The following QKI variants were observed in gnomAD, a reference collection of about 807,000 sequenced individuals.
The protein encoded by QKI is QKI, KH domain containing RNA binding, also known as KH domain-containing RNA-binding protein QKI.
Under a neutral mutation model 39.0 loss-of-function variants are expected in QKI, and 10 were observed. That is an observed-to-expected ratio of 0.26 (90% CI 0.16 to 0.43). The LOEUF is 0.43. QKI is among the 20% of genes least tolerant of loss of function. QKI has a pLI of 1.00. For missense variants in QKI, 218 were observed against 428.0 expected (o/e 0.51, Z 4.33); for synonymous variants, 204 against 155.4 (o/e 1.31, Z -2.33).
At chr6:163,480,565 C>A (rs1420330512) in intron 3 of QKI, among the ~76,000 whole-genome samples, 1 of 152,042 alleles carries the variant, frequency 6.6e-6, no homozygotes, top group African/African-American at 2.4e-5. Context: ...ATTTAAAAAT[C>A]TTATTATAAT....
chr6:163,419,162 T>C (rs1484708523), intron 1 of QKI, among the ~76,000 whole-genome samples: 1 of 152,184 alleles, frequency 6.6e-6, no homozygotes, highest in East Asian at 1.9e-4. Context: ...GTTTATACCC[T>C]GCCTGCTCCC....
chr6:163,494,256 G>A (rs747984761), intron 3 of QKI, among the ~76,000 whole-genome samples: 15 of 152,224 alleles, frequency 9.9e-5, no homozygotes, highest in Non-Finnish European at 1.8e-4. Flanking sequence ...AGTGATTAAA[G>A]TATATGGAGG....
chr6:163,432,400 T>C (rs971127749), intron 1 of QKI, among the ~76,000 whole-genome samples: 6 of 145,490 alleles, frequency 4.1e-5, no homozygotes, highest in Non-Finnish European at 6.0e-5. Context: ...TCCCCCCCCT[T>C]TTTTTTTTTT....
intron 3 of QKI, among the ~76,000 whole-genome samples, chr6:163,526,794 C>G (rs367872506): frequency 1.1e-4 from 16 of 152,278 alleles, no homozygotes; most frequent in African/African-American, 3.9e-4. Context: ...CTAGAGAAAT[C>G]TCACTCATTT....
intron 1 of QKI, among the ~76,000 whole-genome samples, chr6:163,438,645 A>G (rs928365126): frequency 1.3e-5 from 2 of 152,156 alleles, no homozygotes; most frequent in African/African-American, 4.8e-5. Context: ...TACAGTAAAA[A>G]TGTGGTATAA....
chr6:163,558,619 C>T (rs1007309700), intron 4 of QKI, among the ~76,000 whole-genome samples: 2 of 151,998 alleles, frequency 1.3e-5, no homozygotes, highest in Non-Finnish European at 2.9e-5. Context: ...AGGCTGGTCT[C>T]GAACTCCTAA....
intron 4 of QKI, 91 bp from the exon 5 acceptor site, chr6:163,561,889 CAT>C (rs1783043190): frequency 1.1e-6 from 1 of 933,544 alleles, no homozygotes; most frequent in East Asian, 2.6e-5. Context: ...ACTGTAGTCA[CAT>C]GATACTTACT....
At chr6:163,559,182 C>G (rs150521487) in intron 4 of QKI, among the ~76,000 whole-genome samples, 2 of 152,268 alleles carry the variant, frequency 1.3e-5, no homozygotes, top group African/African-American at 4.8e-5. Flanking sequence ...ACCTGCCCTT[C>G]TGCAGGAAAC....
chr6:163,564,618 A>C, intron 6 of QKI: 1 of 1,613,382 alleles, frequency 6.2e-7, no homozygotes, highest in East Asian at 2.2e-5. Context: ...TTACATGAAC[A>C]AAAAGTGGTG....
chr6:163,553,439 C>G (rs1782388776), intron 4 of QKI, among the ~76,000 whole-genome samples: 1 of 152,072 alleles, frequency 6.6e-6, no homozygotes, highest in African/African-American at 2.4e-5. Context: ...TAGAACAAGG[C>G]TCTATTAAAC....
intron 3 of QKI, among the ~76,000 whole-genome samples, chr6:163,494,637 G>C (rs1258152705): frequency 6.7e-6 from 1 of 149,228 alleles, no homozygotes; most frequent in Non-Finnish European, 1.5e-5. Flanking sequence ...GGTCTGCTTA[G>C]TGTCACGTTT....
intron 1 of QKI, among the ~76,000 whole-genome samples, chr6:163,449,679 T>C (rs2757585): frequency 0.93 from 141,410 of 152,226 alleles, 65,731 homozygotes; most frequent in East Asian, 0.98. Context: ...AAATAGTTTT[T>C]GTGTTTCATT....
In QKI at chr6:163,517,060, T is replaced by A. The variant is rs62428384; in HGVS notation, c.403-17922T>A. ...GACACACACACACACACACACTCAC[T>A]CTCTCTCTCTCTCTCTCTCTTTCTC... On this transcript the variant is annotated intron_variant, in intron 3 of 7. Transcript: ENST00000361752. Among the ~76,000 whole-genome samples the A allele has an allele frequency of 6.2e-3, 863 of 139,892 alleles. 7 individuals carry two copies. Among genetic ancestry groups the A allele is most frequent in the South Asian group, 0.015 (66 of 4,516 alleles). The allele number at this position is 139,892 out of a possible 152,430, so 91.8% of individuals were successfully genotyped here. A position where few individuals can be genotyped will look rare whatever the true frequency, so the allele number is the denominator to read the frequency against.
At chr6:163,458,190 T>A (rs1246193737) in intron 2 of QKI, among the ~76,000 whole-genome samples, 1 of 152,212 alleles carries the variant, frequency 6.6e-6, no homozygotes, top group African/African-American at 2.4e-5. Flanking sequence ...ACTTTGGTAC[T>A]ACACTTGATC....
chr6:163,539,352 C>A (rs891521907), intron 4 of QKI, among the ~76,000 whole-genome samples: 1 of 152,096 alleles, frequency 6.6e-6, no homozygotes, highest in African/African-American at 2.4e-5. Flanking sequence ...GTGTCACTGG[C>A]ATGGGTTCAA....
intron 3 of QKI, among the ~76,000 whole-genome samples, chr6:163,494,697 G>A (rs1004584795): frequency 2.0e-5 from 3 of 149,882 alleles, no homozygotes; most frequent in Non-Finnish European, 3.0e-5. Context: ...TTGTTTTTGT[G>A]TTTTTTGACT....
rs542220372 is a variant in QKI at position 163,546,626 on chromosome 6, T to C, written c.546+11501T>C. 2.0e-4 allele frequency among the ~76,000 whole-genome samples: 31 copies of C among 152,168 alleles called. No homozygotes were observed. The South Asian group carries it at 5.8e-3, about 29-fold the overall frequency. ...TTTTCTTTACTACATTTCAAATGTTTTAGTGTTTTGATATTTATAAGTAAA... is the reference window on the plus strand; with the variant it reads ...TTTTCTTTACTACATTTCAAATGTTCTAGTGTTTTGATATTTATAAGTAAA... On this transcript the variant is annotated intron_variant, in intron 4 of 7. Transcript: ENST00000361752.
chr6:163,499,419 C>G (rs779789129), intron 3 of QKI, among the ~76,000 whole-genome samples: 1 of 152,118 alleles, frequency 6.6e-6, no homozygotes, highest in Non-Finnish European at 1.5e-5. Context: ...AGGAATTCTC[C>G]TTTGATGATA....
intron 3 of QKI, among the ~76,000 whole-genome samples, chr6:163,492,710 T>A (rs1294059663): frequency 6.6e-6 from 1 of 152,162 alleles, no homozygotes; most frequent in Non-Finnish European, 1.5e-5. Context: ...TTGTAACTAA[T>A]AAGATTAATG....
Sources: allele counts gnomAD v4.1 joint callset (sites outside exome capture counted in the v4.1 genomes callset), GRCh38; gene constraint gnomAD v4.1.1; transcripts MANE v1.5; gene names NCBI Gene and HGNC (gene_info 2026-07-23, HGNC 2026-07-21).